Variants in CSGALNACT2 observed in about 807,000 individuals in gnomAD.
The protein encoded by CSGALNACT2 is chondroitin sulfate N-acetylgalactosaminyltransferase 2, also known as beta 4 GalNAcT-2.
In CSGALNACT2, 35 loss-of-function variants were observed where a neutral mutation model predicts 55.3. The observed-to-expected ratio is 0.63, with a 90% CI of 0.48 to 0.84. The LOEUF is 0.84. Among genes scored for constraint, CSGALNACT2 ranks in the 40% least tolerant of loss-of-function variants. CSGALNACT2 has a pLI of 0.00. For synonymous variants in CSGALNACT2, 196 were observed against 224.9 expected (o/e 0.87, Z 1.15); for missense variants, 544 against 657.5 (o/e 0.83, Z 1.89).
chr10:43,158,417 A>G (rs1331188417), intron 2 of CSGALNACT2, among the ~76,000 whole-genome samples: 1 of 152,164 alleles, frequency 6.6e-6, no homozygotes, highest in African/African-American at 2.4e-5. Context: ...ATTTATCATG[A>G]TTACCATATT....
At chr10:43,146,705 C>G (rs1838756374) in intron 1 of CSGALNACT2, among the ~76,000 whole-genome samples, 1 of 150,050 alleles carries the variant, frequency 6.7e-6, no homozygotes, top group Admixed American at 6.7e-5. Flanking sequence ...TGCGCTACAG[C>G]TCTGGTAACA....
At chr10:43,139,150 C>T (rs1158165170) in intron 1 of CSGALNACT2, among the ~76,000 whole-genome samples, 3 of 152,208 alleles carry the variant, frequency 2.0e-5, no homozygotes, top group African/African-American at 7.2e-5. Flanking sequence ...GCTTGTTAAA[C>T]TTGGAGGTAT....
At chr10:43,165,079 TCC>T (rs1839233926) in intron 5 of CSGALNACT2, among the ~76,000 whole-genome samples, 1 of 151,768 alleles carries the variant, frequency 6.6e-6, no homozygotes, top group East Asian at 2.0e-4. Flanking sequence ...AAAAAAATTA[TCC>T]GGTCGTGGTG....
intron 3 of CSGALNACT2, among the ~76,000 whole-genome samples, 166 bp from the exon 4 acceptor site, chr10:43,160,328 C>G (rs1263203994): frequency 1.3e-5 from 2 of 152,216 alleles, no homozygotes; most frequent in Non-Finnish European, 2.9e-5. Context: ...TGCACTCATT[C>G]AGGCATAGAC....
chr10:43,166,660 A>T (rs1293460476), intron 5 of CSGALNACT2, among the ~76,000 whole-genome samples: 2 of 152,216 alleles, frequency 1.3e-5, no homozygotes, highest in African/African-American at 4.8e-5. Flanking sequence ...TTTCATAGTG[A>T]TTATCAGAGG....
In CSGALNACT2 at chr10:43,155,379, G is replaced by T; in HGVS notation, c.230G>T (p.Arg77Leu). ...HYQTRATSLKRQIAQLKQELQ... is the reference protein window; with the variant it reads ...HYQTRATSLKLQIAQLKQELQ... The stretch of plus-strand genomic sequence containing the variant: ...CAGACCAGGGCAACCAGTCTGAAAC[G>T]CCAAATTGCCCAACTAAAACAAGAA... The change falls in exon 2 of 8, where the codon CGC becomes CTC. Residue 77 changes from arginine (R) to leucine (L), a missense_variant. Physicochemically the swap from Arg to Leu is moderately radical, Grantham distance 102. This residue lies in a region of CSGALNACT2 where 374 missense variants were observed against 401.3 expected (regional missense o/e 0.93). Coordinates refer to ENST00000374466, the MANE Select transcript of CSGALNACT2 (RefSeq NM_018590.5). 6.2e-7 allele frequency: 1 copy of T among 1,614,134 alleles called. No individual in the cohort carries two copies. Among genetic ancestry groups the T allele is most frequent in the Non-Finnish European group, 8.5e-7 (1 of 1,180,032 alleles).
chr10:43,159,799 G>A (rs940869072), intron 3 of CSGALNACT2, among the ~76,000 whole-genome samples: 1 of 152,106 alleles, frequency 6.6e-6, no homozygotes, highest in Non-Finnish European at 1.5e-5. Flanking sequence ...TGATTTAACA[G>A]TTTCCATGTT....
chr10:43,165,540 C>A (rs1839246694), intron 5 of CSGALNACT2, among the ~76,000 whole-genome samples: 1 of 152,008 alleles, frequency 6.6e-6, no homozygotes, highest in Non-Finnish European at 1.5e-5. Flanking sequence ...TAGCTCACAC[C>A]TTAATCCCAG....
chr10:43,155,834 A>G (rs1838995379), intron 2 of CSGALNACT2, 24 bp downstream of exon 2: 2 of 1,575,518 alleles, frequency 1.3e-6, no homozygotes, highest in Non-Finnish European at 1.7e-6. Flanking sequence ...TATGTTGGTC[A>G]ATATTATGTT....
At chr10:43,179,488 C>T (rs1203607297) in intron 7 of CSGALNACT2, among the ~76,000 whole-genome samples, 1 of 152,032 alleles carries the variant, frequency 6.6e-6, no homozygotes, top group East Asian at 1.9e-4. Flanking sequence ...TATGAAGCCT[C>T]TGCTGTTGCT....
chr10:43,155,570 A>G lies in CSGALNACT2; in HGVS notation c.421A>G (p.Ser141Gly), dbSNP rs1838985943. ...AGTTAGCATAGGGGCCAAACTACCCAGTGAGTATGGGGTCATTCCCTTTGA... is the reference window on the plus strand; with the variant it reads ...AGTTAGCATAGGGGCCAAACTACCCGGTGAGTATGGGGTCATTCCCTTTGA... ...AEVSIGAKLP[S>G]EYGVIPFESF... Residue 141 changes from serine to glycine, a missense_variant, in exon 2 of 8, where the codon AGT becomes GGT. Ser to Gly is a moderately conservative substitution (Grantham distance 56). Coordinates refer to ENST00000374466, the MANE Select transcript of CSGALNACT2 (RefSeq NM_018590.5). The G allele has an allele frequency of 6.2e-7, 1 of 1,614,138 alleles. No individual in the cohort carries two copies. Among genetic ancestry groups the G allele is most frequent in the African/African-American group, 1.3e-5 (1 of 74,946 alleles).
At chr10:43,141,084 G>A (rs1013058748) in intron 1 of CSGALNACT2, among the ~76,000 whole-genome samples, 2 of 152,142 alleles carry the variant, frequency 1.3e-5, no homozygotes, top group Non-Finnish European at 2.9e-5. Context: ...TTTAAACATG[G>A]AAAGTAGGAA....
chr10:43,154,755 T>C (rs1386029722), intron 1 of CSGALNACT2, 142 bp from the exon 2 acceptor site: 1 of 156,640 alleles, frequency 6.4e-6, no homozygotes, highest in Admixed American at 6.4e-5. Flanking sequence ...TCCTAGTATT[T>C]ACTGAATATT....
intron 1 of CSGALNACT2, among the ~76,000 whole-genome samples, chr10:43,145,465 T>C (rs1734445185): frequency 6.9e-6 from 1 of 145,508 alleles, no homozygotes; most frequent in Admixed American, 7.0e-5. Context: ...TTTGGTGCGA[T>C]CGTAGCTCAC....
intron 6 of CSGALNACT2, among the ~76,000 whole-genome samples, chr10:43,170,436 C>T (rs569609810): frequency 1.3e-5 from 2 of 152,260 alleles, no homozygotes; most frequent in South Asian, 2.1e-4. Context: ...GGGAATATGT[C>T]GAAGGGGCAC....
intron 1 of CSGALNACT2, among the ~76,000 whole-genome samples, chr10:43,143,529 GTGTGTGT>G (rs1838678326): frequency 6.6e-6 from 1 of 151,196 alleles, no homozygotes; most frequent in South Asian, 2.1e-4. Flanking sequence ...GTGTGTGTGT[GTGTGTGT>G]GGAATCATAA....
chr10:43,147,236 A>G (rs914319133), intron 1 of CSGALNACT2, among the ~76,000 whole-genome samples: 1 of 151,844 alleles, frequency 6.6e-6, no homozygotes, highest in African/African-American at 2.4e-5. Flanking sequence ...CGGCCTCCCA[A>G]AGTGCTGGGA....
intron 1 of CSGALNACT2, among the ~76,000 whole-genome samples, chr10:43,153,988 A>G (rs567504225): frequency 3.9e-5 from 6 of 152,342 alleles, no homozygotes; most frequent in South Asian, 2.1e-4. Flanking sequence ...CAAATAATCT[A>G]CTGGAGGACA....
Position 43,158,773 on chromosome 10 carries a change from A to C in CSGALNACT2, c.720A>C (p.Ala240=), listed in dbSNP as rs762150083. Residue 240 remains alanine, a synonymous_variant, in exon 3 of 8, where the codon GCA becomes GCC. Transcript: ENST00000374466. ...GTQYELFFKK[A]DLTEYRHVTL... is the part of the protein sequence containing the mutation. ...AGTATGAACTCTTTTTTAAGAAAGC[A>C]GACCTTACGGAATATAGACATGTGA... 1.4e-5 allele frequency: 23 copies of C among 1,612,730 alleles called. No individual in the cohort carries two copies. Among genetic ancestry groups the C allele is most frequent in the Non-Finnish European group, 1.9e-5 (22 of 1,179,010 alleles).
Sources: allele counts gnomAD v4.1 joint callset (sites outside exome capture counted in the v4.1 genomes callset), GRCh38; gene constraint gnomAD v4.1.1; regional missense constraint gnomAD v4.1.1; transcripts MANE v1.5; gene names NCBI Gene and HGNC (gene_info 2026-07-23, HGNC 2026-07-21).